SGCZ: variants seen among roughly 807,000 people sequenced by gnomAD.
SGCZ encodes sarcoglycan zeta.
A neutral mutation model predicts 41.3 loss-of-function variants in SGCZ; 40 were observed. The observed-to-expected ratio is 0.97, with a 90% confidence interval of 0.75 to 1.26. The LOEUF (loss-of-function observed/expected upper bound fraction) is 1.26. Ranked by LOEUF, SGCZ falls within the 50% of genes most tolerant of loss-of-function variation. The pLI, the probability that SGCZ is intolerant of heterozygous loss-of-function variation, is 0.00. For synonymous variants in SGCZ, 206 were observed against 137.5 expected (o/e 1.50, Z -3.49); for missense variants, 552 against 369.8 (o/e 1.49, Z -4.04).
At chr8:14,256,258 G>A (rs9886426) in intron 3 of SGCZ, among the ~76,000 whole-genome samples, 1 of 152,076 alleles carries the variant, frequency 6.6e-6, no homozygotes, top group African/African-American at 2.4e-5. Context: ...GCCATCCTAA[G>A]AAAGATGTAA....
At chr8:14,813,315 T>G (rs1331981344) in intron 1 of SGCZ, among the ~76,000 whole-genome samples, 1 of 152,154 alleles carries the variant, frequency 6.6e-6, no homozygotes, top group African/African-American at 2.4e-5. Flanking sequence ...AATCTCTATT[T>G]TAAGAGTTAG....
chr8:15,128,721 G>A (rs926104584), intron 1 of SGCZ, among the ~76,000 whole-genome samples: 1 of 152,170 alleles, frequency 6.6e-6, no homozygotes, highest in Non-Finnish European at 1.5e-5. Context: ...ATAAGAAACA[G>A]ATGCACTCCT....
intron 1 of SGCZ, among the ~76,000 whole-genome samples, chr8:14,769,076 G>A (rs1800141126): frequency 6.6e-6 from 1 of 151,838 alleles, no homozygotes. Flanking sequence ...TAGAAAAAAG[G>A]CAATAAGAAA....
intron 3 of SGCZ, among the ~76,000 whole-genome samples, chr8:14,295,773 C>G (rs1237725113): frequency 6.6e-6 from 1 of 152,072 alleles, no homozygotes; most frequent in Non-Finnish European, 1.5e-5. Flanking sequence ...ACAGAGCAAC[C>G]AATAGATTGA....
intron 1 of SGCZ, among the ~76,000 whole-genome samples, chr8:15,084,837 A>G (rs1475907978): frequency 6.6e-6 from 1 of 152,158 alleles, no homozygotes; most frequent in Admixed American, 6.5e-5. Context: ...GGACTCTCAT[A>G]TATGTGAGTT....
intron 2 of SGCZ, among the ~76,000 whole-genome samples, chr8:14,431,717 C>A (rs531627065): frequency 1.3e-5 from 2 of 151,842 alleles, no homozygotes; most frequent in Non-Finnish European, 2.9e-5. Flanking sequence ...AACTTTTGCA[C>A]GGCAAAAAGA....
chr8:15,112,024 C>A (rs1226200307), intron 1 of SGCZ, among the ~76,000 whole-genome samples: 2 of 152,204 alleles, frequency 1.3e-5, no homozygotes, highest in African/African-American at 2.4e-5. Context: ...ACACTCAAGG[C>A]CTGCCTTCTG....
intron 2 of SGCZ, among the ~76,000 whole-genome samples, chr8:14,325,273 G>C (rs1802054015): frequency 6.6e-6 from 1 of 152,060 alleles, no homozygotes; most frequent in Admixed American, 6.6e-5. Flanking sequence ...AAAATTTACA[G>C]ACTTGTTGAC....
At chr8:14,772,090 T>C (rs372614753) in intron 1 of SGCZ, among the ~76,000 whole-genome samples, 7 of 152,134 alleles carry the variant, frequency 4.6e-5, no homozygotes, top group African/African-American at 1.7e-4. Context: ...ACTTTCAATA[T>C]AGTATTCAAT....
intron 2 of SGCZ, among the ~76,000 whole-genome samples, chr8:14,391,995 C>T (rs974162960): frequency 1.3e-5 from 2 of 152,092 alleles, no homozygotes; most frequent in African/African-American, 4.8e-5. Context: ...CAACAAGCCC[C>T]ATCTCCAGCA....
chr8:14,531,462 T>A (rs1803128467), intron 2 of SGCZ, among the ~76,000 whole-genome samples: 1 of 151,806 alleles, frequency 6.6e-6, no homozygotes, highest in African/African-American at 2.4e-5. Flanking sequence ...GCTACCAGAG[T>A]GAAGAAACCA....
intron 3 of SGCZ, among the ~76,000 whole-genome samples, chr8:14,245,566 A>C (rs1225346211): frequency 1.3e-5 from 2 of 152,202 alleles, no homozygotes; most frequent in East Asian, 1.9e-4. Flanking sequence ...CACCAAAAGC[A>C]ATGGCAACAA....
At chr8:14,446,402 T>A (rs903624220) in intron 2 of SGCZ, among the ~76,000 whole-genome samples, 16 of 152,308 alleles carry the variant, frequency 1.1e-4, no homozygotes, top group African/African-American at 3.6e-4. Flanking sequence ...TTTGTGGGTC[T>A]GATATATCAA....
At chr8:14,832,328 T>A (rs1474872235) in intron 1 of SGCZ, among the ~76,000 whole-genome samples, 1 of 152,154 alleles carries the variant, frequency 6.6e-6, no homozygotes, top group Non-Finnish European at 1.5e-5. Context: ...AGCTTAATAT[T>A]CTATGCTAAA....
At chr8:14,225,019 C>T (rs2054425) in intron 4 of SGCZ, among the ~76,000 whole-genome samples, 95,863 of 151,908 alleles carry the variant, frequency 0.63, 30,588 homozygotes, top group South Asian at 0.77. Flanking sequence ...AGCTTTGCCA[C>T]ATATCTTCTT....
intron 3 of SGCZ, among the ~76,000 whole-genome samples, chr8:14,261,833 A>C (rs1799678528): frequency 6.6e-6 from 1 of 152,168 alleles, no homozygotes; most frequent in Non-Finnish European, 1.5e-5. Flanking sequence ...GAATATATTA[A>C]AAACTAACTG....
intron 1 of SGCZ, among the ~76,000 whole-genome samples, chr8:14,801,684 G>C (rs757939570): frequency 4.3e-4 from 66 of 152,276 alleles, no homozygotes; most frequent in African/African-American, 5.8e-4. Flanking sequence ...AAATCAGGCA[G>C]AGACTAAAGG....
chr8:14,903,684 G>T (rs892188566), intron 1 of SGCZ, among the ~76,000 whole-genome samples: 3 of 151,992 alleles, frequency 2.0e-5, no homozygotes, highest in Non-Finnish European at 2.9e-5. Context: ...TGTATTACTG[G>T]AGACTTATGT....
chr8:14,358,097 A>C (rs1404095633), intron 2 of SGCZ, among the ~76,000 whole-genome samples: 3 of 152,126 alleles, frequency 2.0e-5, no homozygotes, highest in Non-Finnish European at 4.4e-5. Context: ...ACCAAAGTAT[A>C]AGCTCCATAA....
Sources: gnomAD v4.1 joint callset for allele counts (sites outside exome capture counted in the v4.1 genomes callset) on GRCh38, gnomAD v4.1.1 for gene constraint, MANE v1.5 for transcripts, NCBI Gene and HGNC (gene_info 2026-07-23, HGNC 2026-07-21) for gene names.